Variants in KIAA1549 observed in about 807,000 individuals in gnomAD.
KIAA1549 encodes UPF0606 protein KIAA1549.
Under a neutral mutation model 156.4 loss-of-function variants are expected in KIAA1549, and 70 were observed. The ratio of observed to expected loss-of-function variants is 0.45; its 90% CI spans 0.37 to 0.55. The LOEUF (loss-of-function observed/expected upper bound fraction) is 0.55. KIAA1549 is among the 20% of genes least tolerant of loss of function. The probability of loss-of-function intolerance (pLI) is 0.00; values close to 1 mark genes in which losing one functional copy is unlikely to be tolerated. For synonymous variants in KIAA1549, 1,103 were observed against 1,066.4 expected (o/e 1.03, Z -0.67); for missense variants, 2,428 against 2,540.9 (o/e 0.96, Z 0.96).
Position 138,918,948 on chromosome 7 carries a change from G to A in KIAA1549, c.678C>T (p.Ala226=), listed in dbSNP as rs774429637. 2.7e-5 allele frequency: 44 copies of A among 1,614,046 alleles called. No individual in the cohort carries two copies. The highest frequency in any genetic ancestry group is 2.6e-4 in the South Asian group (24 of 91,082). ...CTGACCGAAAGGTGTGGAAATGACT[G>A]GCGGACTCAGCATATGCCGCTGGTT... ...TRQPAAYAES[A]SHFHTFRSAF... The change falls in exon 2 of 20, where the codon GCC becomes GCT. Residue 226 remains alanine (A), a synonymous_variant. Coordinates refer to ENST00000422774, the MANE Select transcript of KIAA1549 (RefSeq NM_001164665.2). This position sits in a 1 kb window ranked among gnomAD's most constrained non-coding sequence, Gnocchi z 4.2.
chr7:138,911,268 TA>T lies in KIAA1549; in HGVS notation c.3022del (p.Tyr1008ThrfsTer7). 1 of 1,604,322 alleles carries T rather than the reference TA, an allele frequency of 6.2e-7. No individual in the cohort carries two copies. Among genetic ancestry groups the T allele is most frequent in the South Asian group, 1.1e-5 (1 of 88,828 alleles). The stretch of plus-strand genomic sequence containing the variant: ...CACATTTATGACGGATATTGCCGTG[TA>T]AACGAAAGGACCGGATGTTACCAGA... ...TFLVTSGPFV[Y>X]TAISVINVLI... On this transcript the variant is annotated frameshift_variant, in exon 4 of 20. Coordinates refer to ENST00000422774, the MANE Select transcript of KIAA1549 (RefSeq NM_001164665.2). LOFTEE classifies it high-confidence loss of function.
At chr7:138,965,557 G>C (rs1009263885) in intron 1 of KIAA1549, among the ~76,000 whole-genome samples, 2 of 152,178 alleles carry the variant, frequency 1.3e-5, no homozygotes, top group African/African-American at 4.8e-5. Context: ...CCAGATAAAT[G>C]AAGTGTGGAA....
At chr7:138,963,899 C>T (rs931318675) in intron 1 of KIAA1549, among the ~76,000 whole-genome samples, 1 of 151,876 alleles carries the variant, frequency 6.6e-6, no homozygotes, top group African/African-American at 2.4e-5. Flanking sequence ...TGATCCAGGA[C>T]GTGATAAAAG....
At chr7:138,977,233 T>C (rs1814405587) in intron 1 of KIAA1549, among the ~76,000 whole-genome samples, 1 of 152,238 alleles carries the variant, frequency 6.6e-6, no homozygotes, top group Non-Finnish European at 1.5e-5. Flanking sequence ...GAAAAATGGT[T>C]GCTATCCTTC....
intron 19 of KIAA1549, among the ~76,000 whole-genome samples, chr7:138,838,785 T>C (rs961131701): frequency 6.6e-6 from 1 of 152,198 alleles, no homozygotes; most frequent in Non-Finnish European, 1.5e-5. Context: ...GAGCCAAACA[T>C]GACATTCCAG....
chr7:138,843,326 G>A (rs1809976696), intron 18 of KIAA1549, among the ~76,000 whole-genome samples: 1 of 152,082 alleles, frequency 6.6e-6, no homozygotes, highest in East Asian at 1.9e-4. Context: ...TTAAAAACTG[G>A]ACCTTTTTCC....
chr7:138,869,566 G>C lies in KIAA1549; in HGVS notation c.4747C>G (p.Pro1583Ala), dbSNP rs777045599. ...TTCCTGGGCTCTATGAACACGGAGG[G>C]CACGCTGGCCGTGGGGTCCAGGATC... is the stretch of plus-strand genomic sequence containing the variant. The part of the protein sequence containing the change: ...DKILDPTASV[P>A]SVFIEPRKSS... Residue 1583 changes from proline (P) to alanine (A), a missense_variant, in exon 14 of 20, where the codon CCC (proline) becomes GCC (alanine). Physicochemically the swap from Pro to Ala is conservative, Grantham distance 27 (BLOSUM62 -1). Transcript: ENST00000422774. 6.3e-7 allele frequency: 1 copy of C among 1,583,082 alleles called. No individual in the cohort carries two copies.
At chr7:138,951,105 G>C (rs1272674300) in intron 1 of KIAA1549, among the ~76,000 whole-genome samples, 4 of 151,540 alleles carry the variant, frequency 2.6e-5, no homozygotes, top group Admixed American at 2.6e-4. Context: ...TTACTCCCTT[G>C]CACAGGCTGG....
chr7:138,901,310 G>A (rs1246092525), intron 8 of KIAA1549, among the ~76,000 whole-genome samples: 1 of 150,178 alleles, frequency 6.7e-6, no homozygotes, highest in Non-Finnish European at 1.5e-5. Context: ...TACTTTTGTA[G>A]CCTCTCTTGA....
intron 15 of KIAA1549, among the ~76,000 whole-genome samples, chr7:138,863,571 G>A (rs1810650695): frequency 6.6e-6 from 1 of 152,042 alleles, no homozygotes; most frequent in African/African-American, 2.4e-5. Flanking sequence ...TCTTTTAATT[G>A]ATAGCCATTA....
chr7:138,906,824 A>T, intron 6 of KIAA1549, 95 bp downstream of exon 6: 1 of 930,448 alleles, frequency 1.1e-6, no homozygotes, highest in Non-Finnish European at 1.5e-6. Context: ...TAAAAAATCA[A>T]GTCTTTTAAA....
chr7:138,840,110 T>C (rs890515316), intron 19 of KIAA1549, 23 bp downstream of exon 19: 23 of 1,540,330 alleles, frequency 1.5e-5, no homozygotes, highest in Non-Finnish European at 1.8e-5. Flanking sequence ...TTTTAAATGA[T>C]GACCCAAACA....
At chr7:138,931,617 T>C (rs1056469582) in intron 1 of KIAA1549, among the ~76,000 whole-genome samples, 2 of 151,990 alleles carry the variant, frequency 1.3e-5, no homozygotes, top group Admixed American at 1.3e-4. Context: ...CCAGGCGTGG[T>C]GGCAGGTGCC....
intron 12 of KIAA1549, among the ~76,000 whole-genome samples, chr7:138,874,831 C>T (rs964966535): frequency 6.6e-6 from 1 of 151,686 alleles, no homozygotes; most frequent in African/African-American, 2.4e-5. Context: ...TGGCGTAACC[C>T]CATCTCTACA....
chr7:138,871,110 C>T, intron 13 of KIAA1549, 47 bp downstream of exon 13: 1 of 1,570,064 alleles, frequency 6.4e-7, no homozygotes, highest in African/African-American at 1.3e-5. Flanking sequence ...AGCCACCGGG[C>T]TTAGCCGAGT....
At chr7:138,915,367 A>G (rs1365021801) in intron 2 of KIAA1549, among the ~76,000 whole-genome samples, 1 of 151,992 alleles carries the variant, frequency 6.6e-6, no homozygotes, top group African/African-American at 2.4e-5. Flanking sequence ...ATATCCCTAG[A>G]AGCTTCCAGA....
rs1346079433 is a variant in KIAA1549 at position 138,912,411 on chromosome 7, T to G, written c.2928A>C (p.Glu976Asp). 13 of 1,613,836 alleles carry G rather than the reference T, an allele frequency of 8.1e-6. No homozygotes were observed. The highest frequency in any genetic ancestry group is 1.1e-5 in the Non-Finnish European group (13 of 1,179,874). Reference sequence around the variant, plus strand: ...CACGGTTGAAGTGAATCCTCAGTACTTCTTTGATTGCTGTAATGATGTACT... The same window carrying G: ...CACGGTTGAAGTGAATCCTCAGTACGTCTTTGATTGCTGTAATGATGTACT... ...VQEYIITAIKEVLRIHFNRAV... is the reference protein window; with the variant it reads ...VQEYIITAIKDVLRIHFNRAV... The change falls in exon 3 of 20, where the codon GAA becomes GAC. Residue 976 changes from glutamate (E) to aspartate (D), a missense_variant. Physicochemically the swap from Glu to Asp is conservative, Grantham distance 45. Coordinates refer to ENST00000422774, the MANE Select transcript of KIAA1549 (RefSeq NM_001164665.2).
At position 138,916,957 on chromosome 7, in the gene KIAA1549, G is replaced by A. The variant is rs1812341892; in HGVS notation, c.2669C>T (p.Ala890Val). The change falls in exon 2 of 20, where the codon GCT becomes GTT. Residue 890 changes from alanine to valine, a missense_variant. Coordinates refer to ENST00000422774, the MANE Select transcript of KIAA1549 (RefSeq NM_001164665.2). ...GGAGTCGAGGGGACCACCAGTGGCA[G>A]CACCGGTGCTGGTTGTGCTCACTTC... is the stretch of plus-strand genomic sequence containing the variant. Reference protein sequence around the residue: ...STEVSTTSTGAATGGPLDSTL... With the variant: ...STEVSTTSTGVATGGPLDSTL... 1.3e-5 allele frequency: 21 copies of A among 1,604,546 alleles called. No homozygotes were observed. The highest frequency in any genetic ancestry group is 1.8e-5 in the Non-Finnish European group (21 of 1,175,062).
chr7:138,981,258 C>CG lies in KIAA1549; in HGVS notation c.11dup (p.Arg5AlafsTer60). 1 of 981,196 alleles carries CG rather than the reference C, an allele frequency of 1.0e-6. No individual in the cohort carries two copies. The highest frequency in any genetic ancestry group is 1.2e-6 in the Non-Finnish European group (1 of 828,388). 60.8% of individuals were successfully genotyped at this position (981,196 alleles called of 1,614,324 possible). ...TGGCCGCGCCTCGGCGTCGGCGCCGCGCCCCCGGCATTCCCGGCCGGCGCC... is the reference window on the plus strand; with the variant it reads ...TGGCCGCGCCTCGGCGTCGGCGCCGCGGCCCCCGGCATTCCCGGCCGGCGCC... On this transcript the variant is annotated frameshift_variant, in exon 1 of 20. Transcript: ENST00000422774. LOFTEE classifies it high-confidence loss of function. The surrounding 1 kb of genome is among the most constrained non-coding windows in gnomAD (Gnocchi z 4.5).
Sources: allele counts gnomAD v4.1 joint callset (sites outside exome capture counted in the v4.1 genomes callset), GRCh38; gene constraint gnomAD v4.1.1; non-coding constraint Gnocchi (gnomAD v3.1); transcripts MANE v1.5; gene names NCBI Gene and HGNC (gene_info 2026-07-23, HGNC 2026-07-21).